CIT: variants seen among roughly 807,000 people sequenced by gnomAD.
CIT encodes citron Rho-interacting kinase.
Under a neutral mutation model 272.7 loss-of-function variants are expected in CIT, and 79 were observed. The ratio of observed to expected loss-of-function variants is 0.29; its 90% CI spans 0.24 to 0.35. The LOEUF (loss-of-function observed/expected upper bound fraction) is 0.35. Ranked by LOEUF, CIT falls within the 10% of genes least tolerant of loss-of-function variation. The pLI is 1.00. For synonymous variants in CIT, 948 were observed against 995.6 expected (o/e 0.95, Z 0.90); for missense variants, 1,909 against 2,618.3 (o/e 0.73, Z 5.91).
chr12:119,734,453 T>A, intron 25 of CIT, 96 bp from the exon 26 acceptor site: 4 of 1,278,754 alleles, frequency 3.1e-6, no homozygotes, highest in Non-Finnish European at 4.4e-6. Flanking sequence ...CACAAGTTTC[T>A]AACTACAGTT....
intron 3 of CIT, among the ~76,000 whole-genome samples, chr12:119,865,423 C>G (rs938667925): frequency 8.5e-5 from 13 of 152,194 alleles, no homozygotes; most frequent in Admixed American, 7.2e-4. Context: ...ACAAATACCT[C>G]AAGTACATTT....
intron 5 of CIT, among the ~76,000 whole-genome samples, chr12:119,839,446 T>C (rs1002774323): frequency 6.6e-6 from 1 of 152,156 alleles, no homozygotes; most frequent in Admixed American, 6.5e-5. Context: ...GCTGGCGGCA[T>C]CGTTATCCGC....
At chr12:119,789,872 A>ATTT (rs772395022) in intron 10 of CIT, among the ~76,000 whole-genome samples, 5 of 141,728 alleles carry the variant, frequency 3.5e-5, no homozygotes, top group African/African-American at 1.0e-4. Flanking sequence ...CGCCCAGCAA[A>ATTT]TTTTTTTTTT....
intron 4 of CIT, among the ~76,000 whole-genome samples, chr12:119,852,742 AAAAT>A (rs1216177845): frequency 6.6e-6 from 1 of 151,876 alleles, no homozygotes; most frequent in East Asian, 1.9e-4. Flanking sequence ...TCAACTGCTT[AAAAT>A]AAATAAATTA....
intron 9 of CIT, among the ~76,000 whole-genome samples, chr12:119,821,021 C>A (rs147322543): frequency 6.6e-6 from 1 of 151,510 alleles, no homozygotes; most frequent in African/African-American, 2.4e-5. Flanking sequence ...TTTGGCCAGG[C>A]GTGGTGGCTC....
At chr12:119,716,867 C>T (rs1246605913) in intron 32 of CIT, among the ~76,000 whole-genome samples, 1 of 152,180 alleles carries the variant, frequency 6.6e-6, no homozygotes, top group Non-Finnish European at 1.5e-5. Context: ...CCTGGCTTAA[C>T]AGGTGAATTG....
chr12:119,704,488 C>CACCAGTGT, intron 40 of CIT, 33 bp from the exon 41 acceptor site: 1 of 1,597,042 alleles, frequency 6.3e-7, no homozygotes, highest in Non-Finnish European at 8.6e-7. Context: ...AAAAGACTGT[C>CACCAGTGT]ACCAGTGTGA....
rs1962948427 is a variant in CIT, at chr12:119,770,293, GAA to G, written c.2208+490_2208+491del. Among the ~76,000 whole-genome samples the G allele has an allele frequency of 2.0e-5, 3 of 152,146 alleles. No individual in the cohort carries two copies. Among genetic ancestry groups the G allele is most frequent in the Admixed American group, 6.5e-5 (1 of 15,276 alleles). ...AATAATAATAACCAACTGTAGCAGA[GAA>G]AGTGAGTGGGTGAACATGGATCTAT... On this transcript the variant is annotated intron_variant, in intron 18 of 47. Transcript: ENST00000392521. The surrounding 1 kb of genome is among the most constrained non-coding windows in gnomAD (Gnocchi z 4.4).
Position 119,721,312 on chromosome 12 carries a change from A to G in CIT, c.3729T>C (p.Ile1243=). The part of the protein sequence containing the change: ...RSDLEYQLEN[I]QVLYSHEKVK... The stretch of plus-strand genomic sequence containing the variant: ...GATTCCCTCTGCCAGTCCTCACCTG[A>G]ATGTTTTCCAGCTGATACTCCAAGT... Residue 1243 remains isoleucine (I), a synonymous_variant, in exon 29 of 48, where the codon ATT becomes ATC. Transcript: ENST00000392521. 1 of 1,599,270 alleles carries G rather than the reference A, an allele frequency of 6.3e-7. No homozygotes were observed. Among genetic ancestry groups the G allele is most frequent in the Non-Finnish European group, 8.6e-7 (1 of 1,168,428 alleles).
chr12:119,743,825 A>G lies in CIT; in HGVS notation c.2905-1361T>C, dbSNP rs183136287. 1.1e-3 allele frequency among the ~76,000 whole-genome samples: 168 copies of G among 152,302 alleles called. 1 individual carries two copies. Among genetic ancestry groups the G allele is most frequent in the African/African-American group, 3.7e-3 (155 of 41,556 alleles). On this transcript the variant is annotated intron_variant, in intron 23 of 47. Coordinates refer to ENST00000392521, the MANE Select transcript of CIT (RefSeq NM_001206999.2). Reference sequence around the variant, plus strand: ...TTCTATTGGATTGCAAGTAAAATGTATTCTGTGGGTTGTGGTCAACTTTTG... The same window carrying G: ...TTCTATTGGATTGCAAGTAAAATGTGTTCTGTGGGTTGTGGTCAACTTTTG...
intron 5 of CIT, among the ~76,000 whole-genome samples, chr12:119,836,518 G>A (rs551812813): frequency 2.0e-5 from 3 of 151,982 alleles, no homozygotes; most frequent in East Asian, 1.9e-4. Flanking sequence ...TTATATGTCT[G>A]TTTTAAATAT....
At position 119,832,797 on chromosome 12, in the gene CIT, C is replaced by A; in HGVS notation, c.727G>T (p.Ala243Ser). Residue 243 changes from alanine (A) to serine (S), a missense_variant, in exon 7 of 48, where the codon GCC becomes TCC. By Grantham distance (99) the Ala-to-Ser change is moderately conservative. Transcript: ENST00000392521. ...GHIKLVDFGS[A>S]AKMNSNKMVN... ...ATCTTGTTTGAATTCATTTTCGCGG[C>A]AGATCCAAAATCCACCAGCTTGATG... 4 of 1,613,946 alleles carry A rather than the reference C, an allele frequency of 2.5e-6. No individual in the cohort carries two copies. Among genetic ancestry groups the A allele is most frequent in the Non-Finnish European group, 2.5e-6 (3 of 1,179,840 alleles).
intron 10 of CIT, among the ~76,000 whole-genome samples, chr12:119,795,886 G>A (rs766309340): frequency 1.3e-4 from 20 of 152,252 alleles, no homozygotes; most frequent in Non-Finnish European, 2.6e-4. Flanking sequence ...AACACAAGAA[G>A]TGCTCTACAG....
chr12:119,868,969 C>G (rs1950589992), intron 3 of CIT, 91 bp downstream of exon 3: 13 of 1,458,348 alleles, frequency 8.9e-6, no homozygotes, highest in Non-Finnish European at 1.2e-5. Context: ...TTCTTACCGA[C>G]TACTATCAAC....
rs1165051630 is a variant in CIT at position 119,713,253 on chromosome 12, A to G, written c.4529T>C (p.Ile1510Thr). 1 of 1,614,126 alleles carries G rather than the reference A, an allele frequency of 6.2e-7. No homozygotes were observed. Among genetic ancestry groups the G allele is most frequent in the East Asian group, 2.2e-5 (1 of 44,882 alleles). ...RGQQGWDRKY[I>T]VLEGSKVLIY... ...GAGGACTTTTGATCCCTCCAGGACAATGTACTTCCTGTCCCAGCCTTGCTG... is the reference window on the plus strand; with the variant it reads ...GAGGACTTTTGATCCCTCCAGGACAGTGTACTTCCTGTCCCAGCCTTGCTG... The change falls in exon 35 of 48, where the codon ATT (isoleucine) becomes ACT (threonine). Residue 1510 changes from isoleucine to threonine, a missense_variant. Physicochemically the swap from Ile to Thr is moderately conservative, Grantham distance 89. Coordinates refer to ENST00000392521, the MANE Select transcript of CIT (RefSeq NM_001206999.2). This position sits in a 1 kb window ranked among gnomAD's most constrained non-coding sequence, Gnocchi z 5.2.
Position 119,698,151 on chromosome 12 carries a change from C to G in CIT, c.5624-97G>C, listed in dbSNP as rs1461602429. The G allele has an allele frequency of 3.7e-6, 4 of 1,067,476 alleles. No individual in the cohort carries two copies. In the East Asian group the frequency reaches 9.5e-5, roughly 25 times the overall value. 66.1% of individuals were successfully genotyped at this position (1,067,476 alleles called of 1,614,324 possible). ...CAATGCATTCTTTGACCCAGCAATC[C>G]TGTGTAAAGCAACTCACCCAACAAA... is the stretch of plus-strand genomic sequence containing the variant. On this transcript the variant is annotated intron_variant, in intron 44 of 47. Coordinates refer to ENST00000392521, the MANE Select transcript of CIT (RefSeq NM_001206999.2).
At chr12:119,766,236 T>C (rs1962440445) in intron 19 of CIT, among the ~76,000 whole-genome samples, 1 of 63,426 alleles carries the variant, frequency 1.6e-5, no homozygotes. Context: ...ACTTAAAAGT[T>C]GAAGGGAAAA....
In CIT at chr12:119,784,211, GCA is replaced by G. The variant is rs759405344; in HGVS notation, c.1402-162_1402-161del. On this transcript the variant is annotated intron_variant, in intron 11 of 47. Coordinates refer to ENST00000392521, the MANE Select transcript of CIT (RefSeq NM_001206999.2). The surrounding 1 kb of genome is among the most constrained non-coding windows in gnomAD (Gnocchi z 4.7). ...TACCATTGTTTCTTCGCCCAGGAGC[GCA>G]CAGTTCTTCGTTAAGGACAGTCACC... 1 of 1,601,630 alleles carries G rather than the reference GCA, an allele frequency of 6.2e-7. No individual in the cohort carries two copies. Among genetic ancestry groups the G allele is most frequent in the South Asian group, 1.1e-5 (1 of 90,142 alleles).
intron 4 of CIT, among the ~76,000 whole-genome samples, chr12:119,852,358 A>T (rs952208372): frequency 6.6e-6 from 1 of 152,224 alleles, no homozygotes; most frequent in Non-Finnish European, 1.5e-5. Flanking sequence ...ATTGAAGGAG[A>T]CTAAAGAGAC....
Sources: allele counts gnomAD v4.1 joint callset (sites outside exome capture counted in the v4.1 genomes callset), GRCh38; gene constraint gnomAD v4.1.1; non-coding constraint Gnocchi (gnomAD v3.1); transcripts MANE v1.5; gene names NCBI Gene and HGNC (gene_info 2026-07-23, HGNC 2026-07-21).